The following CAMSAP1 variants were observed in gnomAD, a reference collection of about 807,000 sequenced individuals.
The protein encoded by CAMSAP1 is calmodulin-regulated spectrin-associated protein 1.
In CAMSAP1, 58 loss-of-function variants were observed where a neutral mutation model predicts 143.5. The ratio of observed to expected loss-of-function variants is 0.40; its 90% confidence interval spans 0.33 to 0.50. CAMSAP1 has a LOEUF of 0.50. Among genes scored for constraint, CAMSAP1 ranks in the 20% least tolerant of loss-of-function variants. CAMSAP1 has a pLI of 0.45. For synonymous variants in CAMSAP1, 945 were observed against 859.3 expected (o/e 1.10, Z -1.74); for missense variants, 1,969 against 2,115.7 (o/e 0.93, Z 1.36).
At chr9:135,873,846 C>G (rs1387587819) in intron 3 of CAMSAP1, among the ~76,000 whole-genome samples, 1 of 151,992 alleles carries the variant, frequency 6.6e-6, no homozygotes, top group African/African-American at 2.4e-5. Flanking sequence ...TTCCTTTTAC[C>G]TTAATACTTC....
Position 135,818,875 on chromosome 9 carries a change from G to T in CAMSAP1, c.3959+135C>A. ...AGGGGCCGTGAAAGTTCGGGGAGGT[G>T]GTCCATGGGAGGAGTAAGACCGTCA... On this transcript the variant is annotated intron_variant, in intron 12 of 16. Coordinates refer to ENST00000389532, the MANE Select transcript of CAMSAP1 (RefSeq NM_015447.4). The surrounding 1 kb of genome is among the most constrained non-coding windows in gnomAD (Gnocchi z 7.7). 7.3e-7 allele frequency: 1 copy of T among 1,363,956 alleles called. No individual in the cohort carries two copies. Among genetic ancestry groups the T allele is most frequent in the East Asian group, 2.5e-5 (1 of 39,856 alleles). 84.5% of individuals were successfully genotyped at this position (1,363,956 alleles called of 1,614,324 possible). A position where few individuals can be genotyped will look rare whatever the true frequency, so the allele number is the denominator to read the frequency against.
At chr9:135,881,961 T>G (rs368890691) in intron 2 of CAMSAP1, among the ~76,000 whole-genome samples, 167 bp from the exon 3 acceptor site, 2 of 152,218 alleles carry the variant, frequency 1.3e-5, no homozygotes, top group African/African-American at 4.8e-5. Flanking sequence ...GCACCATCAC[T>G]GTTCCAAGCC....
intron 5 of CAMSAP1, among the ~76,000 whole-genome samples, chr9:135,853,906 T>G (rs1034617374): frequency 3.9e-5 from 6 of 152,382 alleles, no homozygotes; most frequent in African/African-American, 1.4e-4. Flanking sequence ...AAGGGGGCAG[T>G]GACTGCCCAC....
intron 1 of CAMSAP1, among the ~76,000 whole-genome samples, chr9:135,901,709 T>A (rs901986603): frequency 1.3e-5 from 2 of 152,024 alleles, no homozygotes; most frequent in Admixed American, 6.6e-5. Context: ...CTCTACCCAC[T>A]CAAACCTGCT....
rs56381246 is a variant in CAMSAP1 at position 135,809,806 on chromosome 9, G to C, written c.*1503C>G. On this transcript the variant is annotated 3_prime_UTR_variant, in exon 17 of 17. Coordinates refer to ENST00000389532, the MANE Select transcript of CAMSAP1 (RefSeq NM_015447.4). The stretch of plus-strand genomic sequence containing the variant: ...TGTCGAACACGATATATACAAAATC[G>C]CAAGAGACTGTACTTCTCTTCAAAG... 1 of 152,440 alleles carries C rather than the reference G, an allele frequency of 6.6e-6. No individual in the cohort carries two copies. Among genetic ancestry groups the C allele is most frequent in the Non-Finnish European group, 1.5e-5 (1 of 68,008 alleles). The allele number at this position is 152,440 out of a possible 1,614,324, so 9.4% of individuals were successfully genotyped here.
chr9:135,835,447 A>G lies in CAMSAP1; in HGVS notation c.1046-7863T>C, dbSNP rs1239231694. Among the ~76,000 whole-genome samples the G allele has an allele frequency of 3.3e-5, 5 of 152,212 alleles. No homozygotes were observed. The South Asian group carries it at 1.0e-3, about 31-fold the overall frequency. On this transcript the variant is annotated intron_variant, in intron 7 of 16. Transcript: ENST00000389532. ...TATCAGAAACCAGGTGGCCTTAGTG[A>G]TTATGGTGAATGGCAAGGCTGGAGG...
At position 135,822,966 on chromosome 9, in the gene CAMSAP1, C is replaced by T; in HGVS notation, c.1695G>A (p.Arg565=). The part of the protein sequence containing the change: ...ADPEFPRASP[R]ALGLTANARS... ...GGGCATTTGCTGTAAGGCCTAAGGC[C>T]CGGGGTGAGGCCCTGGGGAACTCCG... is the stretch of plus-strand genomic sequence containing the variant. Residue 565 remains arginine, a synonymous_variant, in exon 11 of 17, where the codon CGG becomes CGA. Coordinates refer to ENST00000389532, the MANE Select transcript of CAMSAP1 (RefSeq NM_015447.4). The surrounding 1 kb of genome is among the most constrained non-coding windows in gnomAD (Gnocchi z 6.1). 6.2e-7 allele frequency: 1 copy of T among 1,613,908 alleles called. No homozygotes were observed. The highest frequency in any genetic ancestry group is 2.2e-5 in the East Asian group (1 of 44,876).
intron 1 of CAMSAP1, among the ~76,000 whole-genome samples, chr9:135,886,074 A>C (rs1313819035): frequency 1.3e-5 from 2 of 152,196 alleles, no homozygotes; most frequent in African/African-American, 2.4e-5. Flanking sequence ...AAAAAAAAAA[A>C]AACTTTGTGA....
At chr9:135,837,940 C>G (rs373885737) in intron 7 of CAMSAP1, among the ~76,000 whole-genome samples, 1 of 148,236 alleles carries the variant, frequency 6.7e-6, no homozygotes, top group East Asian at 2.1e-4. Context: ...TACAGACACA[C>G]ATCATCACAC....
In CAMSAP1 at chr9:135,815,916, G is replaced by C; in HGVS notation, c.4361C>G (p.Ser1454Cys). 1 of 1,613,770 alleles carries C rather than the reference G, an allele frequency of 6.2e-7. No homozygotes were observed. Among genetic ancestry groups the C allele is most frequent in the Non-Finnish European group, 8.5e-7 (1 of 1,179,900 alleles). The change falls in exon 15 of 17, where the codon TCC becomes TGC. Residue 1454 changes from serine to cysteine, a missense_variant. Ser to Cys is a moderately radical substitution (Grantham distance 112, BLOSUM62 -1). Transcript: ENST00000389532. ...RDWETASAASSLASVAEYTGP... is the reference protein window; with the variant it reads ...RDWETASAASCLASVAEYTGP... ...TGTGTACTCGGCCACTGAGGCCAGG[G>C]AAGATGCCGCCGACGCGGTCTCCCA...
At chr9:135,823,342 G>T (rs1433149863) in intron 10 of CAMSAP1, 82 bp from the exon 11 acceptor site, 11 of 1,447,648 alleles carry the variant, frequency 7.6e-6, no homozygotes, top group Non-Finnish European at 9.2e-6. Flanking sequence ...GAGAATGCCG[G>T]CCACACAAAG....
intron 3 of CAMSAP1, 35 bp from the exon 4 acceptor site, chr9:135,866,571 T>G (rs1292591982): frequency 1.0e-6 from 1 of 977,300 alleles, no homozygotes; most frequent in Non-Finnish European, 1.6e-6. Flanking sequence ...AAGAGGTAAT[T>G]GCTGTCCCGC....
Position 135,903,961 on chromosome 9 carries a change from T to C in CAMSAP1, c.160+3039A>G, listed in dbSNP as rs546266901. On this transcript the variant is annotated intron_variant, in intron 1 of 16. Coordinates refer to ENST00000389532, the MANE Select transcript of CAMSAP1 (RefSeq NM_015447.4). ...GTAGCAGCGAATCTCACACCTAGGC[T>C]GTGACCCCAACAACGTAAATCACTT... is the stretch of plus-strand genomic sequence containing the variant. 7.5e-4 allele frequency among the ~76,000 whole-genome samples: 115 copies of C among 152,342 alleles called. 1 individual carries two copies. In the South Asian group the frequency reaches 0.023, roughly 31 times the overall value.
At chr9:135,893,283 GAA>G (rs574970229) in intron 1 of CAMSAP1, among the ~76,000 whole-genome samples, 41 of 136,672 alleles carry the variant, frequency 3.0e-4, no homozygotes, top group African/African-American at 1.0e-3. Flanking sequence ...AAGAAAAAAA[GAA>G]AAAAGGCAGG....
chr9:135,818,430 G>T lies in CAMSAP1; in HGVS notation c.4146C>A (p.Ser1382=). 1.9e-6 allele frequency: 3 copies of T among 1,591,562 alleles called. No individual in the cohort carries two copies. The highest frequency in any genetic ancestry group is 2.6e-6 in the Non-Finnish European group (3 of 1,174,254). ...SVHREESCSD[S]GTKCSSTPDN... ...TACGGGTGGAGGAGCACTTGGTGCC[G>T]GAGTCGCTGCACGACTCTTCCCGGT... Residue 1382 remains serine (S), a synonymous_variant, in exon 13 of 17, where the codon TCC becomes TCA. Coordinates refer to ENST00000389532, the MANE Select transcript of CAMSAP1 (RefSeq NM_015447.4). The surrounding 1 kb of genome is among the most constrained non-coding windows in gnomAD (Gnocchi z 7.7).
chr9:135,875,038 T>G (rs903503650), intron 3 of CAMSAP1, among the ~76,000 whole-genome samples: 6 of 152,126 alleles, frequency 3.9e-5, no homozygotes, highest in Non-Finnish European at 5.9e-5. Flanking sequence ...CGGAGAGAGA[T>G]AAGCATGTCT....
chr9:135,862,588 G>A lies in CAMSAP1; in HGVS notation c.687C>T (p.His229=). Residue 229 remains histidine (H), a synonymous_variant, in exon 5 of 17, where the codon CAC becomes CAT. Transcript: ENST00000389532. ...AGTAGGGTGACTGCCTAGCAGAAAG[G>A]TGCTCTCGTCGATAGCGGACCTGTA... ...AHQKVRYRRE[H]LSARQSPYFP... is the part of the protein sequence containing the mutation. The A allele has an allele frequency of 6.4e-7, 1 of 1,551,650 alleles. No individual in the cohort carries two copies.
chr9:135,843,355 C>A (rs1836432565), intron 7 of CAMSAP1, among the ~76,000 whole-genome samples: 1 of 152,136 alleles, frequency 6.6e-6, no homozygotes, highest in South Asian at 2.1e-4. Flanking sequence ...AGACAGACTG[C>A]AAATTGGATA....
At position 135,820,439 on chromosome 9, in the gene CAMSAP1, T is replaced by C. The variant is rs377482029; in HGVS notation, c.3822+400A>G. Among the ~76,000 whole-genome samples the C allele has an allele frequency of 1.2e-3, 175 of 152,120 alleles. No homozygotes were observed. Among genetic ancestry groups the C allele is most frequent in the African/African-American group, 4.0e-3 (166 of 41,476 alleles). On this transcript the variant is annotated intron_variant, in intron 11 of 16. Coordinates refer to ENST00000389532, the MANE Select transcript of CAMSAP1 (RefSeq NM_015447.4). This position sits in a 1 kb window ranked among gnomAD's most constrained non-coding sequence, Gnocchi z 4.4. Reference sequence around the variant, plus strand: ...TTGCTATATCAGAGGTTGGCAAACTTCAGCCCACAGGCCAGGCCTGGCCAC... The same window carrying C: ...TTGCTATATCAGAGGTTGGCAAACTCCAGCCCACAGGCCAGGCCTGGCCAC...
Sources: allele counts gnomAD v4.1 joint callset (sites outside exome capture counted in the v4.1 genomes callset), GRCh38; gene constraint gnomAD v4.1.1; non-coding constraint Gnocchi (gnomAD v3.1); transcripts MANE v1.5; gene names NCBI Gene and HGNC (gene_info 2026-07-23, HGNC 2026-07-21).